Variants in PALM2AKAP2 observed in about 807,000 individuals in gnomAD.
PALM2AKAP2 encodes the protein PALM2-AKAP2 fusion protein.
A neutral mutation model predicts 71.5 loss-of-function variants in PALM2AKAP2; 37 were observed. That is an observed-to-expected ratio of 0.52 (90% CI 0.40 to 0.68). The LOEUF is 0.68. Ranked by LOEUF, PALM2AKAP2 falls within the 30% of genes least tolerant of loss-of-function variation. PALM2AKAP2 has a pLI of 0.00. For missense variants in PALM2AKAP2, 1,224 were observed against 1,191.8 expected (o/e 1.03, Z -0.40); for synonymous variants, 468 against 478.8 (o/e 0.98, Z 0.29).
chr9:110,021,707 T>C (rs1264562382), intron 7 of PALM2AKAP2, among the ~76,000 whole-genome samples: 1 of 151,606 alleles, frequency 6.6e-6, no homozygotes, highest in Admixed American at 6.6e-5. Flanking sequence ...TTTTATATCC[T>C]ATTCTGTTTT....
chr9:109,827,750 G>A lies in PALM2AKAP2; in HGVS notation c.46-39741G>A, dbSNP rs189550748. ...TCACAGGTCCACTCAAGACAGTCAC[G>A]GACAAAAGGAAACAGGATTGTGAGG... is the stretch of plus-strand genomic sequence containing the variant. On this transcript the variant is annotated intron_variant, in intron 1 of 9. Coordinates refer to the PALM2AKAP2 transcript ENST00000302798. Among the ~76,000 whole-genome samples, 12 of 152,066 alleles carry A rather than the reference G, an allele frequency of 7.9e-5. No homozygotes were observed. In the East Asian group the frequency reaches 1.4e-3, roughly 17 times the overall value.
At chr9:109,737,813 C>G (rs986060786) in intron 1 of PALM2AKAP2, among the ~76,000 whole-genome samples, 1 of 152,222 alleles carries the variant, frequency 6.6e-6, no homozygotes, top group African/African-American at 2.4e-5. Flanking sequence ...GAACTCTGTT[C>G]AAACATTATT....
chr9:109,796,410 A>G (rs1196123623), intron 1 of PALM2AKAP2, among the ~76,000 whole-genome samples: 1 of 152,208 alleles, frequency 6.6e-6, no homozygotes, highest in Non-Finnish European at 1.5e-5. Context: ...TGGCAGTTCT[A>G]ATACTTACTC....
At chr9:109,923,009 T>C (rs932990) in intron 3 of PALM2AKAP2, among the ~76,000 whole-genome samples, 127,798 of 152,272 alleles carry the variant, frequency 0.84, 53,981 homozygotes, top group African/African-American at 0.93. Context: ...GCTCAGTAAA[T>C]ACTGGTGGTA....
At chr9:110,142,882 GT>G (rs1232454959) in intron 2 of PALM2AKAP2, among the ~76,000 whole-genome samples, 1 of 152,224 alleles carries the variant, frequency 6.6e-6, no homozygotes, top group Non-Finnish European at 1.5e-5. Flanking sequence ...GCCAGTGAGA[GT>G]TTTTAAAGGA....
chr9:110,022,124 ACT>A (rs1833083635), intron 7 of PALM2AKAP2, among the ~76,000 whole-genome samples: 1 of 151,884 alleles, frequency 6.6e-6, no homozygotes, highest in African/African-American at 2.4e-5. Context: ...AGACTTTCTT[ACT>A]CTTAACTTCA....
chr9:110,137,889 C>T (rs1160652609), exon 2 of PALM2AKAP2: 20 of 1,614,088 alleles, frequency 1.2e-5, no homozygotes, highest in Non-Finnish European at 1.7e-5. Flanking sequence ...GGTTTCTATT[C>T]CCCTTCCTCC....
At chr9:109,955,928 T>G (rs1370191551) in intron 6 of PALM2AKAP2, among the ~76,000 whole-genome samples, 1 of 150,770 alleles carries the variant, frequency 6.6e-6, no homozygotes, top group Non-Finnish European at 1.5e-5. Flanking sequence ...ACAGCAAGAC[T>G]CCTCTGTCTT....
intron 1 of PALM2AKAP2, among the ~76,000 whole-genome samples, chr9:110,101,628 C>T (rs7866348): frequency 0.095 from 14,453 of 152,068 alleles, 1,695 homozygotes; most frequent in African/African-American, 0.28. Flanking sequence ...AAACAGCGGC[C>T]GCCTTTTTTC....
At chr9:110,020,928 T>C (rs1271704153) in intron 7 of PALM2AKAP2, among the ~76,000 whole-genome samples, 1 of 152,036 alleles carries the variant, frequency 6.6e-6, no homozygotes, top group Admixed American at 6.6e-5. Context: ...GCCAACATGG[T>C]GAAACCCTGT....
chr9:109,843,136 G>T (rs149998938), intron 1 of PALM2AKAP2, among the ~76,000 whole-genome samples: 1 of 12,766 alleles, frequency 7.8e-5, no homozygotes, highest in Non-Finnish European at 1.7e-4. Context: ...ATGAAACTCG[G>T]TCTCAAAAAA....
chr9:110,002,393 A>T (rs554075466), intron 6 of PALM2AKAP2, among the ~76,000 whole-genome samples: 2 of 151,704 alleles, frequency 1.3e-5, no homozygotes, highest in East Asian at 3.9e-4. Flanking sequence ...AAGCTTTTTG[A>T]TATGCTGCTA....
At chr9:109,964,607 G>T (rs1831911466) in intron 6 of PALM2AKAP2, among the ~76,000 whole-genome samples, 1 of 152,134 alleles carries the variant, frequency 6.6e-6, no homozygotes, top group Non-Finnish European at 1.5e-5. Context: ...CCACAGTACT[G>T]GTCACACTGG....
intron 1 of PALM2AKAP2, among the ~76,000 whole-genome samples, chr9:109,746,172 A>T (rs17202413): frequency 0.31 from 46,451 of 152,064 alleles, 7,254 homozygotes; most frequent in Middle Eastern, 0.4. Context: ...ACTTAGAGTG[A>T]CAGCCAGCAG....
At chr9:109,905,681 A>G (rs1830431345) in intron 3 of PALM2AKAP2, among the ~76,000 whole-genome samples, 1 of 152,216 alleles carries the variant, frequency 6.6e-6, no homozygotes, top group Non-Finnish European at 1.5e-5. Flanking sequence ...CAGCCGGGTG[A>G]GGGCAGTAAT....
At chr9:109,719,860 A>T (rs16914372) in intron 1 of PALM2AKAP2, among the ~76,000 whole-genome samples, 1,742 of 152,332 alleles carry the variant, frequency 0.011, 28 homozygotes, top group African/African-American at 0.039. Flanking sequence ...CTTATAACCC[A>T]GTAATGGCAT....
Position 109,748,362 on chromosome 9 carries a change from G to A in PALM2AKAP2, c.6-32126G>A, listed in dbSNP as rs41503147. ...CCCAAAAGGACACTAGGGTTTGCAGGGAATGACGCACTACAGGGGTTCCCA... is the reference window on the plus strand; with the variant it reads ...CCCAAAAGGACACTAGGGTTTGCAGAGAATGACGCACTACAGGGGTTCCCA... On this transcript the variant is annotated intron_variant, in intron 1 of 6. Coordinates refer to the PALM2AKAP2 transcript ENST00000374531. Among the ~76,000 whole-genome samples the A allele has an allele frequency of 5.8e-3, 885 of 152,180 alleles. 10 individuals carry two copies. The highest frequency in any genetic ancestry group is 0.021 in the African/African-American group (855 of 41,492).
chr9:110,129,845 T>A (rs1461574282), intron 1 of PALM2AKAP2, among the ~76,000 whole-genome samples: 1 of 152,238 alleles, frequency 6.6e-6, no homozygotes, highest in Non-Finnish European at 1.5e-5. Flanking sequence ...TTCTACTTAC[T>A]GCATTTCAGG....
upstream of PALM2AKAP2, among the ~76,000 whole-genome samples, chr9:110,048,226 T>A (rs1446246001): frequency 6.6e-6 from 1 of 152,126 alleles, no homozygotes; most frequent in Non-Finnish European, 1.5e-5. Flanking sequence ...AGGGGCTGTT[T>A]CCCCGCCTGA....
Sources: gnomAD v4.1 joint callset for allele counts (sites outside exome capture counted in the v4.1 genomes callset) on GRCh38, gnomAD v4.1.1 for gene constraint, MANE v1.5 for transcripts, NCBI Gene and HGNC (gene_info 2026-07-23, HGNC 2026-07-21) for gene names.